The following TGM5 variants were observed in gnomAD, a reference collection of about 807,000 sequenced individuals.
TGM5 encodes protein-glutamine gamma-glutamyltransferase 5.
TGM5 carries 69 observed loss-of-function variants against 77.2 expected under a neutral mutation model. The observed-to-expected ratio is 0.89, with a 90% confidence interval of 0.74 to 1.09. TGM5 has a LOEUF of 1.09. Ranked by LOEUF, TGM5 falls within the 50% of genes least tolerant of loss-of-function variation. The probability of loss-of-function intolerance (pLI) is 0.00; values close to 1 mark genes in which losing one functional copy is unlikely to be tolerated. For synonymous variants in TGM5, 346 were observed against 351.8 expected (o/e 0.98, Z 0.18); for missense variants, 842 against 896.5 (o/e 0.94, Z 0.78).
intron 5 of TGM5, 66 bp from the exon 6 acceptor site, chr15:43,253,002 G>A: frequency 6.4e-7 from 1 of 1,552,780 alleles, no homozygotes; most frequent in Non-Finnish European, 8.8e-7. Flanking sequence ...TGTGTGGGCT[G>A]CCTTGGAAGA....
chr15:43,259,123 C>G (rs939319034), intron 3 of TGM5, among the ~76,000 whole-genome samples: 10 of 152,074 alleles, frequency 6.6e-5, no homozygotes, highest in African/African-American at 2.4e-4. Flanking sequence ...AAGTCAGAAG[C>G]CAGACTTGGG....
intron 1 of TGM5, 75 bp downstream of exon 1, chr15:43,266,765 C>T: frequency 6.4e-7 from 1 of 1,570,336 alleles, no homozygotes; most frequent in Non-Finnish European, 8.8e-7. Context: ...ATCCACCCTC[C>T]ACCCCTTGAC....
At chr15:43,236,294 T>A (rs1037757112) in intron 9 of TGM5, among the ~76,000 whole-genome samples, 1 of 152,138 alleles carries the variant, frequency 6.6e-6, no homozygotes, top group Non-Finnish European at 1.5e-5. Flanking sequence ...CAGGGCATGG[T>A]GTGATGTCCT....
intron 6 of TGM5, among the ~76,000 whole-genome samples, chr15:43,242,118 A>G (rs908840689): frequency 1.3e-5 from 2 of 152,140 alleles, no homozygotes; most frequent in African/African-American, 4.8e-5. Context: ...TCTGATGGCT[A>G]CTATTATTAT....
Position 43,235,843 on chromosome 15 carries a change from G to T in TGM5, c.1346-6C>A, listed in dbSNP as rs1335961537. Reference sequence around the variant, plus strand: ...CTGCCTCTCCTGGAGGGATCCTGAAGTTGGGGAGAGCACAGCACCAGCTGT... The same window carrying T: ...CTGCCTCTCCTGGAGGGATCCTGAATTTGGGGAGAGCACAGCACCAGCTGT... On this transcript the variant is annotated splice_region_variant and splice_polypyrimidine_tract_variant and intron_variant, in intron 9 of 12. Coordinates refer to ENST00000220420, the MANE Select transcript of TGM5 (RefSeq NM_201631.4). The T allele has an allele frequency of 6.2e-7, 1 of 1,613,534 alleles. No homozygotes were observed.
intron 5 of TGM5, 55 bp from the exon 6 acceptor site, chr15:43,252,991 A>T: frequency 6.3e-7 from 1 of 1,589,714 alleles, no homozygotes; most frequent in Non-Finnish European, 8.6e-7. Context: ...TCAACATGCC[A>T]TGTGTGGGCT....
chr15:43,250,212 C>G (rs1452641092), intron 6 of TGM5, among the ~76,000 whole-genome samples: 1 of 152,216 alleles, frequency 6.6e-6, no homozygotes, highest in Non-Finnish European at 1.5e-5. Flanking sequence ...GGTCCCACCT[C>G]ATAAGGTCAT....
At chr15:43,242,524 T>A (rs767707023) in intron 6 of TGM5, among the ~76,000 whole-genome samples, 1 of 152,270 alleles carries the variant, frequency 6.6e-6, no homozygotes, top group Non-Finnish European at 1.5e-5. Context: ...TAAGGGTTCT[T>A]CACACACACT....
At chr15:43,260,617 G>A in intron 1 of TGM5, 38 bp from the exon 2 acceptor site, 1 of 1,611,218 alleles carries the variant, frequency 6.2e-7, no homozygotes, top group East Asian at 2.2e-5. Context: ...AAATAGTGGG[G>A]TTGTGGAGCC....
At chr15:43,263,329 A>T (rs912292177) in intron 1 of TGM5, among the ~76,000 whole-genome samples, 1 of 152,244 alleles carries the variant, frequency 6.6e-6, no homozygotes, top group African/African-American at 2.4e-5. Context: ...TTTTGTAGAA[A>T]TTGATAAGTG....
rs969953731 is a variant in TGM5, at chr15:43,246,693, A to T, written c.863-5703T>A. On this transcript the variant is annotated intron_variant, in intron 6 of 12. Transcript: ENST00000220420. ...TTGCAGGATGGAGTGTATGGAGGGG[A>T]GAGAGCTGAACAGAGAGAGTATTCC... is the stretch of plus-strand genomic sequence containing the variant. Among the ~76,000 whole-genome samples the T allele has an allele frequency of 1.2e-4, 18 of 152,246 alleles. No individual in the cohort carries two copies. The South Asian group carries it at 3.3e-3, about 28-fold the overall frequency.
intron 1 of TGM5, among the ~76,000 whole-genome samples, chr15:43,261,072 G>GTTTTT (rs1566837432): frequency 4.3e-4 from 23 of 53,868 alleles, no homozygotes; most frequent in African/African-American, 1.3e-3. Flanking sequence ...TTTTTTGTGT[G>GTTTTT]TGTGTTTTTT....
In TGM5 at chr15:43,266,871, G is replaced by A. The variant is rs781006482; in HGVS notation, c.-22C>T. On this transcript the variant is annotated 5_prime_UTR_variant, in exon 1 of 13. Transcript: ENST00000220420. Reference sequence around the variant, plus strand: ...CCATGGTAGCTGCCTCCGGTTCCTGGGATGCTCCCCACAGAACAGCTGGGC... The same window carrying A: ...CCATGGTAGCTGCCTCCGGTTCCTGAGATGCTCCCCACAGAACAGCTGGGC... 1 of 1,614,006 alleles carries A rather than the reference G, an allele frequency of 6.2e-7. No individual in the cohort carries two copies. The highest frequency in any genetic ancestry group is 8.5e-7 in the Non-Finnish European group (1 of 1,180,030).
intron 12 of TGM5, 25 bp downstream of exon 12, chr15:43,233,529 A>C (rs1460725650): frequency 6.2e-7 from 1 of 1,614,040 alleles, no homozygotes; most frequent in African/African-American, 1.3e-5. Context: ...AAAACAGGAG[A>C]AGGCTGAGCA....
rs1322489756 is a variant in TGM5, at chr15:43,233,595, A to T, written c.1968T>A (p.Thr656=). The T allele has an allele frequency of 6.2e-7, 1 of 1,614,216 alleles. No homozygotes were observed. The highest frequency in any genetic ancestry group is 1.7e-5 in the Admixed American group (1 of 60,030). ...TCTTGAAGAGGCCACTTCCTTCCAC[A>T]GTCAGCACACAGTCCTCAACCTGCT... ...LSEQVEDCVL[T]VEGSGLFKKQ... is the part of the protein sequence containing the mutation. The change falls in exon 12 of 13, where the codon ACT becomes ACA. Residue 656 remains threonine, a synonymous_variant. Coordinates refer to ENST00000220420, the MANE Select transcript of TGM5 (RefSeq NM_201631.4).
At chr15:43,266,313 T>C (rs1476941082) in intron 1 of TGM5, among the ~76,000 whole-genome samples, 3 of 152,212 alleles carry the variant, frequency 2.0e-5, no homozygotes, top group East Asian at 1.9e-4. Context: ...AGCAACTCTT[T>C]CCAGAGTGAG....
At chr15:43,234,460 A>T (rs1286097914) in intron 11 of TGM5, among the ~76,000 whole-genome samples, 1 of 151,992 alleles carries the variant, frequency 6.6e-6, no homozygotes, top group Non-Finnish European at 1.5e-5. Flanking sequence ...CCGACCAGAG[A>T]CCCTCCCATC....
intron 4 of TGM5, among the ~76,000 whole-genome samples, chr15:43,255,798 A>C (rs758366645): frequency 5.3e-5 from 8 of 152,194 alleles, no homozygotes; most frequent in Admixed American, 1.3e-4. Flanking sequence ...CTGCAGGCTG[A>C]ATTTGAAATG....
chr15:43,252,773 G>A lies in TGM5; in HGVS notation c.848C>T (p.Ala283Val). 2 of 1,613,922 alleles carry A rather than the reference G, an allele frequency of 1.2e-6. No homozygotes were observed. The highest frequency in any genetic ancestry group is 8.5e-7 in the Non-Finnish European group (1 of 1,180,022). ...VRYGQCWVFA[A>V]VMCTVMRCLG... is the part of the protein sequence containing the mutation. ...CTACCTCCTACCTGTGCACATGACG[G>A]CAGCAAAGACCCAGCATTGCCCGTA... The change falls in exon 6 of 13, where the codon GCC becomes GTC. Residue 283 changes from alanine to valine, a missense_variant. This residue lies in a region of TGM5 where 815 missense variants were observed against 844.6 expected (regional missense o/e 0.96). Transcript: ENST00000220420.
Sources: allele counts gnomAD v4.1 joint callset (sites outside exome capture counted in the v4.1 genomes callset), GRCh38; gene constraint gnomAD v4.1.1; regional missense constraint gnomAD v4.1.1; transcripts MANE v1.5; gene names NCBI Gene and HGNC (gene_info 2026-07-23, HGNC 2026-07-21).